The following MYH14 variants were observed in gnomAD, a reference collection of about 807,000 sequenced individuals.
MYH14 encodes the protein myosin-14.
In MYH14, 123 loss-of-function variants were observed where a neutral mutation model predicts 255.5. The observed-to-expected ratio is 0.48, with a 90% confidence interval of 0.42 to 0.56. MYH14 has a LOEUF of 0.56. MYH14 is among the 20% of genes least tolerant of loss of function. The pLI is 0.00. For missense variants in MYH14, 2,423 were observed against 2,802.3 expected (o/e 0.86, Z 3.06); for synonymous variants, 1,095 against 1,161.2 (o/e 0.94, Z 1.16).
At position 50,223,695 on chromosome 19, in the gene MYH14, C is replaced by G. The variant is rs539804974; in HGVS notation, c.693+346C>G. On this transcript the variant is annotated intron_variant, in intron 5 of 42. Transcript: ENST00000642316. ...ATATGGTGCCCTCCACTGTTCCAAG[C>G]CCTGTTCTCACACTGCCTTACTTAC... 2.0e-5 allele frequency among the ~76,000 whole-genome samples: 3 copies of G among 152,282 alleles called. No homozygotes were observed. In the South Asian group the frequency reaches 6.2e-4, roughly 32 times the overall value.
chr19:50,222,395 G>C (rs2032874945), intron 3 of MYH14, among the ~76,000 whole-genome samples: 1 of 150,926 alleles, frequency 6.6e-6, no homozygotes, highest in Admixed American at 6.6e-5. Flanking sequence ...CAGGAGAATG[G>C]CGTGAACCCG....
chr19:50,297,347 G>A (rs1382319288), intron 39 of MYH14, among the ~76,000 whole-genome samples: 1 of 152,040 alleles, frequency 6.6e-6, no homozygotes, highest in African/African-American at 2.4e-5. Context: ...GGCAGGGTTG[G>A]TTCCTCTTGT....
At chr19:50,296,978 GTTTT>G (rs869302796) in intron 39 of MYH14, among the ~76,000 whole-genome samples, 7 of 68,894 alleles carry the variant, frequency 1.0e-4, no homozygotes, top group African/African-American at 2.3e-4. Context: ...TATTCTCTCT[GTTTT>G]TTTTTGTTTG....
chr19:50,286,685 C>T lies in MYH14; in HGVS notation c.4743C>T (p.Val1581=), dbSNP rs1335042959. The change falls in exon 34 of 43, where the codon GTC becomes GTT. Residue 1581 remains valine (V), a synonymous_variant. Transcript: ENST00000642316. ...LEALLSSKDD[V]GKSVHELERA... ...CACTGCTGAGCAGCAAGGATGACGT[C>T]GGCAAGAGCGTGAGCAGGGCCCCCG... 1.0e-5 allele frequency: 16 copies of T among 1,571,556 alleles called. No individual in the cohort carries two copies. The highest frequency in any genetic ancestry group is 2.3e-5 in the East Asian group (1 of 42,652).
In MYH14 at chr19:50,217,634, G is replaced by C. The variant is rs941689498; in HGVS notation, c.425G>C (p.Cys142Ser). 1.2e-6 allele frequency: 2 copies of C among 1,614,034 alleles called. No individual in the cohort carries two copies. Among genetic ancestry groups the C allele is most frequent in the Non-Finnish European group, 1.7e-6 (2 of 1,179,900 alleles). ...GLIYTYSGLF[C>S]VVINPYKQLP... Reference sequence around the variant, plus strand: ...CTGCAGACGTACTCCGGCCTTTTCTGTGTGGTCATCAACCCGTACAAGCAG... The same window carrying C: ...CTGCAGACGTACTCCGGCCTTTTCTCTGTGGTCATCAACCCGTACAAGCAG... Residue 142 changes from cysteine (C) to serine (S), a missense_variant, in exon 3 of 43, where the codon TGT becomes TCT. Cys to Ser is a moderately radical substitution (Grantham distance 112). Coordinates refer to ENST00000642316, the MANE Select transcript of MYH14 (RefSeq NM_001145809.2).
Position 50,228,378 on chromosome 19 carries a change from C to T in MYH14, c.874+1412C>T, listed in dbSNP as rs184262029. On this transcript the variant is annotated intron_variant, in intron 8 of 42. Coordinates refer to ENST00000642316, the MANE Select transcript of MYH14 (RefSeq NM_001145809.2). Reference sequence around the variant, plus strand: ...GATAATTACTAATCAATAACATTAACAACTGCTAATAAGCCACATCCCCAT... The same window carrying T: ...GATAATTACTAATCAATAACATTAATAACTGCTAATAAGCCACATCCCCAT... 3.3e-5 allele frequency among the ~76,000 whole-genome samples: 5 copies of T among 152,070 alleles called. No individual in the cohort carries two copies. In the East Asian group the frequency reaches 9.6e-4, roughly 29 times the overall value.
chr19:50,280,374 C>T lies in MYH14; in HGVS notation c.4281C>T (p.Ala1427=). Residue 1427 remains alanine, a synonymous_variant, in exon 32 of 43, where the codon GCC becomes GCT. Coordinates refer to ENST00000642316, the MANE Select transcript of MYH14 (RefSeq NM_001145809.2). The surrounding 1 kb of genome is among the most constrained non-coding windows in gnomAD (Gnocchi z 4.8). Reference sequence around the variant, plus strand: ...GGGCGGGCCGTGAACTGCAGACTGCCCAGGCCCAGGTGAGCAGCCCTACGT... The same window carrying T: ...GGGCGGGCCGTGAACTGCAGACTGCTCAGGCCCAGGTGAGCAGCCCTACGT... ...RERAGRELQT[A]QAQLSEWRRR... 1 of 1,539,304 alleles carries T rather than the reference C, an allele frequency of 6.5e-7. No homozygotes were observed. The highest frequency in any genetic ancestry group is 2.5e-5 in the East Asian group (1 of 40,702).
In MYH14 at chr19:50,218,946, C is replaced by T. The variant is rs557198137; in HGVS notation, c.562+1175C>T. On this transcript the variant is annotated intron_variant, in intron 3 of 42. Transcript: ENST00000642316. ...GCTGTGAATGCCATTATTTCATTCC[C>T]TTTTATGGCTGAGTAGTATTCCATG... Among the ~76,000 whole-genome samples, 117 of 151,532 alleles carry T rather than the reference C, an allele frequency of 7.7e-4. 2 individuals are homozygous for T. In the South Asian group the frequency reaches 0.024, roughly 31 times the overall value.
At position 50,257,477 on chromosome 19, in the gene MYH14, C is replaced by G. The variant is rs771421242; in HGVS notation, c.2223C>G (p.His741Gln). Reference protein sequence around the residue: ...PSFVRCIVPNHEKRAGKLEPR... With the variant: ...PSFVRCIVPNQEKRAGKLEPR... ...TTGTCCGCTGCATTGTCCCCAACCA[C>G]GAGAAGAGGGTGAGTGACTCAGCCT... The change falls in exon 18 of 43, where the codon CAC (histidine) becomes CAG (glutamine). Residue 741 changes from histidine (H) to glutamine (Q), a missense_variant. This residue lies in a region of MYH14 where 672 missense variants were observed against 881.8 expected (regional missense o/e 0.76). Coordinates refer to ENST00000642316, the MANE Select transcript of MYH14 (RefSeq NM_001145809.2). 2 of 1,601,624 alleles carry G rather than the reference C, an allele frequency of 1.2e-6. No homozygotes were observed. Among genetic ancestry groups the G allele is most frequent in the Non-Finnish European group, 1.7e-6 (2 of 1,173,766 alleles).
intron 40 of MYH14, among the ~76,000 whole-genome samples, chr19:50,302,095 A>G (rs2036502683): frequency 1.4e-5 from 2 of 143,422 alleles, no homozygotes. Context: ...TCTGGGCAAC[A>G]TAGCAAGACC....
At position 50,223,234 on chromosome 19, in the gene MYH14, G is replaced by A. The variant is rs532114985; in HGVS notation, c.591-13G>A. ...ATTGCCAACCCCTTTGCTTCCCCTT[G>A]TCATCCCCACAGTGGAGAGTCTGGA... On this transcript the variant is annotated splice_polypyrimidine_tract_variant and intron_variant, in intron 4 of 42. Coordinates refer to ENST00000642316, the MANE Select transcript of MYH14 (RefSeq NM_001145809.2). The A allele has an allele frequency of 4.0e-5, 64 of 1,613,368 alleles. 1 individual carries two copies. The South Asian group carries it at 5.6e-4, about 14-fold the overall frequency.
intron 42 of MYH14, 43 bp downstream of exon 42, chr19:50,309,220 C>G: frequency 6.3e-7 from 1 of 1,594,988 alleles, no homozygotes; most frequent in South Asian, 1.1e-5. Context: ...GGGGAGCACC[C>G]TAACTCCATA....
chr19:50,265,374 A>T (rs1010668324), intron 22 of MYH14, among the ~76,000 whole-genome samples: 1 of 152,046 alleles, frequency 6.6e-6, no homozygotes, highest in East Asian at 1.9e-4. Flanking sequence ...CAAAAACAAA[A>T]ACTGGGTGTA....
At chr19:50,309,577 C>A in intron 42 of MYH14, 63 bp from the exon 43 acceptor site, 4 of 1,064,892 alleles carry the variant, frequency 3.8e-6, no homozygotes, top group Middle Eastern at 2.3e-4. Flanking sequence ...TCTCTCCTCC[C>A]CCTTTCTCCT....
At chr19:50,281,923 C>A in intron 33 of MYH14, 81 bp downstream of exon 33, 1 of 1,482,218 alleles carries the variant, frequency 6.7e-7, no homozygotes, top group South Asian at 1.3e-5. Context: ...AACCAGTAAT[C>A]CGTGCTGTCA....
intron 27 of MYH14, among the ~76,000 whole-genome samples, chr19:50,273,897 T>C (rs1271332654): frequency 6.6e-6 from 1 of 151,980 alleles, no homozygotes; most frequent in African/African-American, 2.4e-5. Context: ...GAGGTTAGGA[T>C]TATAGGCGTG....
chr19:50,230,935 C>T lies in MYH14; in HGVS notation c.973+312C>T. 2 of 365,912 alleles carry T rather than the reference C, an allele frequency of 5.5e-6. No homozygotes were observed. Among genetic ancestry groups the T allele is most frequent in the East Asian group, 1.1e-4 (2 of 17,762 alleles). The allele number at this position is 365,912 out of a possible 1,614,324, so 22.7% of individuals were successfully genotyped here. A position where few individuals can be genotyped will look rare whatever the true frequency, so the allele number is the denominator to read the frequency against. On this transcript the variant is annotated intron_variant, in intron 9 of 42. Transcript: ENST00000642316. This position sits in a 1 kb window ranked among gnomAD's most constrained non-coding sequence, Gnocchi z 4.7. ...GCTCCGTGGCTTCTCTCTCGCGCGG[C>T]TTCTCCTCACTCCGGCGGGTGACTC...
intron 17 of MYH14, among the ~76,000 whole-genome samples, chr19:50,255,561 T>C (rs2034563597): frequency 6.6e-6 from 1 of 152,196 alleles, no homozygotes; most frequent in Admixed American, 6.6e-5. Context: ...TCGCGTTTCT[T>C]GAGCACTTAC....
chr19:50,288,117 C>G (rs1380966092), intron 34 of MYH14, among the ~76,000 whole-genome samples: 1 of 152,238 alleles, frequency 6.6e-6, no homozygotes, highest in Non-Finnish European at 1.5e-5. Flanking sequence ...TCCACTCCAT[C>G]CTTCCTTCAT....
Sources: allele counts gnomAD v4.1 joint callset (sites outside exome capture counted in the v4.1 genomes callset), GRCh38; gene constraint gnomAD v4.1.1; regional missense constraint gnomAD v4.1.1; non-coding constraint Gnocchi (gnomAD v3.1); transcripts MANE v1.5; gene names NCBI Gene and HGNC (gene_info 2026-07-23, HGNC 2026-07-21).